COL7A1: variants seen among roughly 807,000 people sequenced by gnomAD.
COL7A1 encodes collagen alpha-1(VII) chain.
COL7A1 carries 296 observed loss-of-function variants against 456.2 expected under a neutral mutation model. That is an observed-to-expected ratio of 0.65 (90% CI 0.59 to 0.71). The LOEUF (loss-of-function observed/expected upper bound fraction) is 0.71, where lower values mean the gene tolerates loss of function less well. COL7A1 is among the 30% of genes least tolerant of loss of function. COL7A1 has a pLI of 0.00. For missense variants in COL7A1, 3,441 were observed against 4,017.2 expected (o/e 0.86, Z 3.88); for synonymous variants, 1,464 against 1,525.9 (o/e 0.96, Z 0.95).
rs773083989 is a variant in COL7A1 at position 48,587,525 on chromosome 3, G to A, written c.2887C>T (p.Arg963Cys). The A allele has an allele frequency of 1.5e-5, 24 of 1,613,430 alleles. No homozygotes were observed. The highest frequency in any genetic ancestry group is 1.1e-4 in the East Asian group (5 of 44,894). Reference sequence around the variant, plus strand: ...GAGTCGATCGAGGTGTCCACCACACGTAGTTCAATGCTTGGAACACGAGGT... The same window carrying A: ...GAGTCGATCGAGGTGTCCACCACACATAGTTCAATGCTTGGAACACGAGGT... Reference protein sequence around the residue: ...ESPRVPSIELRVVDTSIDSVT... With the variant: ...ESPRVPSIELCVVDTSIDSVT... The change falls in exon 23 of 119, where the codon CGT becomes TGT. Residue 963 changes from arginine (R) to cysteine (C), a missense_variant. By Grantham distance (180) the Arg-to-Cys change is radical. Transcript: ENST00000681320. The surrounding 1 kb of genome is among the most constrained non-coding windows in gnomAD (Gnocchi z 6.1).
chr3:48,566,990 T>G lies in COL7A1; in HGVS notation c.8143A>C (p.Ser2715Arg), dbSNP rs761335737. The change falls in exon 111 of 119, where the codon AGT becomes CGT. Residue 2715 changes from serine (S) to arginine (R), a missense_variant. Around this residue, in one of 3 missense-constraint regions of COL7A1, gnomAD observed 2,084 missense variants for 2,501.3 expected, o/e 0.83. Coordinates refer to ENST00000681320, the MANE Select transcript of COL7A1 (RefSeq NM_000094.4). This position sits in a 1 kb window ranked among gnomAD's most constrained non-coding sequence, Gnocchi z 5.9. ...TPGIGGFPGPSGNDGSAGPPG... is the reference protein window; with the variant it reads ...TPGIGGFPGPRGNDGSAGPPG... ...GGACCAGCAGAGCCATCATTTCCACTGGGGCCTGGGAAGCCCCCAATTCCT... is the reference window on the plus strand; with the variant it reads ...GGACCAGCAGAGCCATCATTTCCACGGGGGCCTGGGAAGCCCCCAATTCCT... The G allele has an allele frequency of 6.2e-7, 1 of 1,612,210 alleles. No homozygotes were observed. The highest frequency in any genetic ancestry group is 8.5e-7 in the Non-Finnish European group (1 of 1,178,634).
In COL7A1 at chr3:48,594,205, C is replaced by CT. The variant is rs1424212029; in HGVS notation, c.266+162dup. Among the ~76,000 whole-genome samples, 2 of 152,168 alleles carry CT rather than the reference C, an allele frequency of 1.3e-5. No individual in the cohort carries two copies. The highest frequency in any genetic ancestry group is 2.9e-5 in the Non-Finnish European group (2 of 67,982). ...GCACGAAGGTTCTACCTAGGGAATC[C>CT]TTACCTCTGTCTCCAAAGGAGGTCC... On this transcript the variant is annotated intron_variant, in intron 3 of 118. Transcript: ENST00000681320. The surrounding 1 kb of genome is among the most constrained non-coding windows in gnomAD (Gnocchi z 5.5).
chr3:48,579,401 C>G lies in COL7A1; in HGVS notation c.5275G>C (p.Asp1759His). The G allele has an allele frequency of 6.2e-7, 1 of 1,614,190 alleles. No homozygotes were observed. Among genetic ancestry groups the G allele is most frequent in the Non-Finnish European group, 8.5e-7 (1 of 1,180,034 alleles). Residue 1759 changes from aspartate to histidine, a missense_variant, in exon 61 of 119, where the codon GAC (aspartate) becomes CAC (histidine). Physicochemically the swap from Asp to His is moderately conservative, Grantham distance 81 (BLOSUM62 -1). Transcript: ENST00000681320. This position sits in a 1 kb window ranked among gnomAD's most constrained non-coding sequence, Gnocchi z 4.4. The stretch of plus-strand genomic sequence containing the variant: ...CCTGCTGGGCCTCGGACACCTGGGT[C>G]CCCCTGGAGGGAACAGGGTCAGATA... Reference protein sequence around the residue: ...GFRGPPGPQGDPGVRGPAGEK... With the variant: ...GFRGPPGPQGHPGVRGPAGEK...
chr3:48,588,999 G>A lies in COL7A1; in HGVS notation c.2315-4C>T, dbSNP rs1487390082. 1.2e-6 allele frequency: 2 copies of A among 1,613,264 alleles called. No homozygotes were observed. The highest frequency in any genetic ancestry group is 2.7e-5 in the African/African-American group (2 of 74,946). ...ACACGACCCACAGGCTCAGGGGCTG[G>A]GGACAGAGGCAAGGTAAGGGGTCCT... is the stretch of plus-strand genomic sequence containing the variant. On this transcript the variant is annotated splice_polypyrimidine_tract_variant and splice_region_variant and intron_variant, in intron 18 of 118. Coordinates refer to ENST00000681320, the MANE Select transcript of COL7A1 (RefSeq NM_000094.4). The surrounding 1 kb of genome is among the most constrained non-coding windows in gnomAD (Gnocchi z 4.6).
At position 48,588,697 on chromosome 3, in the gene COL7A1, C is replaced by T; in HGVS notation, c.2532G>A (p.Val844=). ...LEGGVSYSVR[V]TALVGDREGT... is the part of the protein sequence containing the mutation. ...CCTCGCGGTCCCCGACAAGTGCAGT[C>T]ACTCGCACTGAGTAGCTGACTCCAC... Residue 844 remains valine, a synonymous_variant, in exon 20 of 119, where the codon GTG becomes GTA. Transcript: ENST00000681320. The surrounding 1 kb of genome is among the most constrained non-coding windows in gnomAD (Gnocchi z 4.6). 1 of 1,613,914 alleles carries T rather than the reference C, an allele frequency of 6.2e-7. No homozygotes were observed. Among genetic ancestry groups the T allele is most frequent in the Non-Finnish European group, 8.5e-7 (1 of 1,180,040 alleles).
Position 48,584,194 on chromosome 3 carries a change from G to T in COL7A1, c.4197+104C>A, listed in dbSNP as rs2045028908. On this transcript the variant is annotated intron_variant, in intron 37 of 118. Coordinates refer to ENST00000681320, the MANE Select transcript of COL7A1 (RefSeq NM_000094.4). Reference sequence around the variant, plus strand: ...AACTGAGGCGTCATGGTGAGGATGGGGGTAATCAAAGGGTCACAAGGGCCA... The same window carrying T: ...AACTGAGGCGTCATGGTGAGGATGGTGGTAATCAAAGGGTCACAAGGGCCA... 33 of 1,556,710 alleles carry T rather than the reference G, an allele frequency of 2.1e-5. No homozygotes were observed. In the South Asian group the frequency reaches 2.9e-4, roughly 13 times the overall value.
rs1395561446 is a variant in COL7A1 at position 48,585,163 on chromosome 3, C to A, written c.3895-47G>T. ...GACAGGAAGGGACCCTCCCCCAAGG[C>A]CCCTGGTTTGCTGGAGGGGCCTCAC... On this transcript the variant is annotated intron_variant, in intron 32 of 118. Transcript: ENST00000681320. The surrounding 1 kb of genome is among the most constrained non-coding windows in gnomAD (Gnocchi z 4.5). 6.3e-7 allele frequency: 1 copy of A among 1,592,184 alleles called. No individual in the cohort carries two copies. The highest frequency in any genetic ancestry group is 8.6e-7 in the Non-Finnish European group (1 of 1,167,786).
At position 48,576,979 on chromosome 3, in the gene COL7A1, T is replaced by TG; in HGVS notation, c.5568+12dup. On this transcript the variant is annotated intron_variant, in intron 66 of 118. Coordinates refer to ENST00000681320, the MANE Select transcript of COL7A1 (RefSeq NM_000094.4). ...AAGCAGAGACCAGAGAGACCCCAGG[T>TG]GGGGGACTTTACCTTCCTCCCGTCT... The TG allele has an allele frequency of 6.2e-7, 1 of 1,613,898 alleles. No homozygotes were observed. Among genetic ancestry groups the TG allele is most frequent in the Non-Finnish European group, 8.5e-7 (1 of 1,179,988 alleles).
chr3:48,575,413 G>T lies in COL7A1; in HGVS notation c.6106C>A (p.Pro2036Thr). 1 of 1,610,096 alleles carries T rather than the reference G, an allele frequency of 6.2e-7. No homozygotes were observed. The change falls in exon 74 of 119, where the codon CCT (proline) becomes ACT (threonine). Residue 2036 changes from proline to threonine, a missense_variant. Around this residue, in one of 3 missense-constraint regions of COL7A1, gnomAD observed 2,084 missense variants for 2,501.3 expected, o/e 0.83. Transcript: ENST00000681320. The surrounding 1 kb of genome is among the most constrained non-coding windows in gnomAD (Gnocchi z 6.3). ...AGCCCGGGAATACCAGGCTTTCCAG[G>T]CTCCCCGGCAAGGCCGGAAGGCCCG... is the stretch of plus-strand genomic sequence containing the variant. ...PPGPSGLAGE[P>T]GKPGIPGLPG... is the part of the protein sequence containing the mutation.
chr3:48,573,453 C>A lies in COL7A1; in HGVS notation c.6618+60G>T, dbSNP rs762720729. 19 of 1,613,584 alleles carry A rather than the reference C, an allele frequency of 1.2e-5. No homozygotes were observed. Among genetic ancestry groups the A allele is most frequent in the African/African-American group, 2.7e-5 (2 of 75,018 alleles). On this transcript the variant is annotated intron_variant, in intron 83 of 118. Coordinates refer to ENST00000681320, the MANE Select transcript of COL7A1 (RefSeq NM_000094.4). The surrounding 1 kb of genome is among the most constrained non-coding windows in gnomAD (Gnocchi z 5.5). ...CAGCCCAGGAGGTTGGCGCACACTA[C>A]CCCAGGCATGGACACAGCTTGAAGG...
chr3:48,580,916 C>T lies in COL7A1; in HGVS notation c.4946G>A (p.Gly1649Asp), dbSNP rs776604010. 1 of 1,613,994 alleles carries T rather than the reference C, an allele frequency of 6.2e-7. No individual in the cohort carries two copies. Among genetic ancestry groups the T allele is most frequent in the Non-Finnish European group, 8.5e-7 (1 of 1,180,032 alleles). ...ACGCTCGCCTGCTTTTCCAGGCAAA[C>T]CCGGGTCACCCTGGTGATAGAGAGA... ...KGDEGPPGDP[G>D]LPGKAGERGL... Residue 1649 changes from glycine (G) to aspartate (D), a missense_variant, in exon 54 of 119, where the codon GGT becomes GAT. Gly to Asp is a moderately conservative substitution (Grantham distance 94, BLOSUM62 -1). This residue lies in a region of COL7A1 where 2,084 missense variants were observed against 2,501.3 expected (regional missense o/e 0.83). Transcript: ENST00000681320. The surrounding 1 kb of genome is among the most constrained non-coding windows in gnomAD (Gnocchi z 4.5).
At position 48,568,907 on chromosome 3, in the gene COL7A1, G is replaced by A. The variant is rs1211269083; in HGVS notation, c.7687-52C>T. 1 of 1,528,884 alleles carries A rather than the reference G, an allele frequency of 6.5e-7. No homozygotes were observed. 94.7% of individuals were successfully genotyped at this position (1,528,884 alleles called of 1,614,324 possible). A position where few individuals can be genotyped will look rare whatever the true frequency, so the allele number is the denominator to read the frequency against. ...CAGTCAGGACCAGATCAGGCTGGGG[G>A]CTTAGAATACAACGAGCCCGCCAGC... On this transcript the variant is annotated intron_variant, in intron 103 of 118. Transcript: ENST00000681320. This position sits in a 1 kb window ranked among gnomAD's most constrained non-coding sequence, Gnocchi z 5.2.
rs750227645 is a variant in COL7A1, at chr3:48,580,921, G to A, written c.4941C>T (p.Asp1647=). The A allele has an allele frequency of 6.2e-7, 1 of 1,613,952 alleles. No individual in the cohort carries two copies. The highest frequency in any genetic ancestry group is 8.5e-7 in the Non-Finnish European group (1 of 1,180,024). ...CGCCTGCTTTTCCAGGCAAACCCGG[G>A]TCACCCTGGTGATAGAGAGAAAAGT... The part of the protein sequence containing the change: ...GEKGDEGPPG[D]PGLPGKAGER... Residue 1647 remains aspartate, a synonymous_variant, in exon 54 of 119, where the codon GAC becomes GAT. Transcript: ENST00000681320. The surrounding 1 kb of genome is among the most constrained non-coding windows in gnomAD (Gnocchi z 4.5).
In COL7A1 at chr3:48,586,154, CGAA is replaced by C. The variant is rs1175969915; in HGVS notation, c.3640_3642del (p.Phe1214del). 4 of 1,613,324 alleles carry C rather than the reference CGAA, an allele frequency of 2.5e-6. No individual in the cohort carries two copies. The highest frequency in any genetic ancestry group is 3.4e-6 in the Non-Finnish European group (4 of 1,180,036). ...TCCAGGCTTGGCCCATCATCCACGGCGAAGAAGGTCTGGACAGAGTCCATACCC... is the reference window on the plus strand; with the variant it reads ...TCCAGGCTTGGCCCATCATCCACGGCGAAGGTCTGGACAGAGTCCATACCC... On this transcript the variant is annotated inframe_deletion, in exon 28 of 119. Transcript: ENST00000681320. This position sits in a 1 kb window ranked among gnomAD's most constrained non-coding sequence, Gnocchi z 5.1.
chr3:48,578,206 G>T lies in COL7A1; in HGVS notation c.5532+115C>A. On this transcript the variant is annotated intron_variant, in intron 65 of 118. Coordinates refer to ENST00000681320, the MANE Select transcript of COL7A1 (RefSeq NM_000094.4). This position sits in a 1 kb window ranked among gnomAD's most constrained non-coding sequence, Gnocchi z 4.7. Reference sequence around the variant, plus strand: ...TGTTTCTGGATGCATCTGTATGTCTGGGCCAGGATGCATGTGTCTACACGT... The same window carrying T: ...TGTTTCTGGATGCATCTGTATGTCTTGGCCAGGATGCATGTGTCTACACGT... 2.5e-6 allele frequency: 3 copies of T among 1,200,016 alleles called. No individual in the cohort carries two copies. Among genetic ancestry groups the T allele is most frequent in the Non-Finnish European group, 3.7e-6 (3 of 821,598 alleles). 74.3% of individuals were successfully genotyped at this position (1,200,016 alleles called of 1,614,324 possible).
In COL7A1 at chr3:48,566,768, T is replaced by C. The variant is rs1430455821; in HGVS notation, c.8227-31A>G. The C allele has an allele frequency of 1.2e-6, 2 of 1,612,384 alleles. No homozygotes were observed. Among genetic ancestry groups the C allele is most frequent in the East Asian group, 4.5e-5 (2 of 44,854 alleles). On this transcript the variant is annotated intron_variant, in intron 111 of 118. Transcript: ENST00000681320. The surrounding 1 kb of genome is among the most constrained non-coding windows in gnomAD (Gnocchi z 5.9). ...AGACACAGGGACCAAGTGAGCAGGG[T>C]CAGAGGCAGTGGGGATCAGAGTCAG...
intron 44 of COL7A1, 28 bp from the exon 45 acceptor site, chr3:48,582,681 C>T (rs773044735): frequency 1.2e-6 from 2 of 1,612,362 alleles, no homozygotes; most frequent in Middle Eastern, 1.7e-4. Flanking sequence ...AAGAGCTGTG[C>T]AGGTGGGTGG....
rs537588477 is a variant in COL7A1, at chr3:48,594,678, G to A, written c.86-130C>T. On this transcript the variant is annotated intron_variant, in intron 2 of 118. Coordinates refer to ENST00000681320, the MANE Select transcript of COL7A1 (RefSeq NM_000094.4). This position sits in a 1 kb window ranked among gnomAD's most constrained non-coding sequence, Gnocchi z 5.5. ...ATCTTATGCAAACCAGGGCCGAATC[G>A]GCCTGAGCCTGAGGGCCTTGGAGGG... is the stretch of plus-strand genomic sequence containing the variant. 2 of 1,156,412 alleles carry A rather than the reference G, an allele frequency of 1.7e-6. No homozygotes were observed. The highest frequency in any genetic ancestry group is 2.1e-5 in the Admixed American group (1 of 46,584). The allele number at this position is 1,156,412 out of a possible 1,614,324, so 71.6% of individuals were successfully genotyped here.
chr3:48,582,064 C>A, intron 47 of COL7A1, 121 bp from the exon 48 acceptor site: 2 of 1,435,198 alleles, frequency 1.4e-6, no homozygotes, highest in South Asian at 2.3e-5. Flanking sequence ...GCCCAGAAGT[C>A]ACAGAGTCAC....
Sources: gnomAD v4.1 joint callset for allele counts (sites outside exome capture counted in the v4.1 genomes callset) on GRCh38, gnomAD v4.1.1 for gene constraint, gnomAD v4.1.1 regional missense constraint, Gnocchi (gnomAD v3.1) non-coding constraint, MANE v1.5 for transcripts, NCBI Gene and HGNC (gene_info 2026-07-23, HGNC 2026-07-21) for gene names.